Variants in WDR76 observed in about 807,000 individuals in gnomAD.
WDR76 encodes the protein WD repeat domain 76.
Under a neutral mutation model 70.2 loss-of-function variants are expected in WDR76, and 52 were observed. That is an observed-to-expected ratio of 0.74 (90% CI 0.59 to 0.93). WDR76 has a LOEUF of 0.93. Ranked by LOEUF, WDR76 falls within the 40% of genes least tolerant of loss-of-function variation. WDR76 has a pLI of 0.00. For synonymous variants in WDR76, 292 were observed against 271.1 expected (o/e 1.08, Z -0.76); for missense variants, 756 against 760.2 (o/e 0.99, Z 0.07).
intron 5 of WDR76, among the ~76,000 whole-genome samples, chr15:43,841,106 C>T (rs1249922659): frequency 6.6e-5 from 10 of 151,068 alleles, no homozygotes; most frequent in East Asian, 1.9e-4. Flanking sequence ...CTGCAACCTC[C>T]GCCTCCCGGG....
chr15:43,843,948 A>T lies in WDR76; in HGVS notation c.926A>T (p.Tyr309Phe), dbSNP rs1213867887. 3 of 1,611,734 alleles carry T rather than the reference A, an allele frequency of 1.9e-6. No individual in the cohort carries two copies. The highest frequency in any genetic ancestry group is 2.5e-6 in the Non-Finnish European group (3 of 1,178,836). ...NGMVISEDTV[Y>F]KVTTGPIFSM... ...ATGGTCATTAGTGAAGATACCGTTT[A>T]CAAAGTTACCACAGGCCCAATATTC... The change falls in exon 8 of 13, where the codon TAC becomes TTC. Residue 309 changes from tyrosine to phenylalanine, a missense_variant. Coordinates refer to ENST00000263795, the MANE Select transcript of WDR76 (RefSeq NM_024908.4).
chr15:43,858,361 TCTC>T (rs1283391967), intron 10 of WDR76: 1 of 201,276 alleles, frequency 5.0e-6, no homozygotes, highest in African/African-American at 2.4e-5. Context: ...TTCAAGCAAT[TCTC>T]CTGCCTCAGC....
At chr15:43,861,597 G>C (rs967544797) in intron 12 of WDR76, among the ~76,000 whole-genome samples, 6 of 152,192 alleles carry the variant, frequency 3.9e-5, no homozygotes, top group Non-Finnish European at 7.4e-5. Context: ...CTTGTAGTCA[G>C]TAGCTGTTCT....
chr15:43,860,910 C>CTTTTTTTTTTT (rs34504509), intron 11 of WDR76, among the ~76,000 whole-genome samples: 1 of 79,018 alleles, frequency 1.3e-5, no homozygotes, highest in African/African-American at 5.7e-5. Context: ...TGATCTTACT[C>CTTTTTTTTTTT]TTTTTTTTTT....
chr15:43,863,469 C>T (rs1360056125), intron 12 of WDR76, among the ~76,000 whole-genome samples: 1 of 151,692 alleles, frequency 6.6e-6, no homozygotes, highest in African/African-American at 2.4e-5. Flanking sequence ...GAATGTATTT[C>T]TCCTATTAAC....
intron 7 of WDR76, among the ~76,000 whole-genome samples, chr15:43,843,284 G>A (rs2087749213): frequency 6.6e-6 from 1 of 152,042 alleles, no homozygotes; most frequent in Non-Finnish European, 1.5e-5. Context: ...GACTCCCAAA[G>A]TGCTGGGATT....
chr15:43,838,961 G>A (rs541201943), intron 4 of WDR76, among the ~76,000 whole-genome samples: 27 of 152,054 alleles, frequency 1.8e-4, no homozygotes, highest in Non-Finnish European at 3.1e-4. Context: ...ACTAATTCTC[G>A]AAGTAATGTG....
At position 43,854,021 on chromosome 15, in the gene WDR76, C is replaced by T. The variant is rs554512769; in HGVS notation, c.1191+2776C>T. Among the ~76,000 whole-genome samples, 3 of 152,142 alleles carry T rather than the reference C, an allele frequency of 2.0e-5. No individual in the cohort carries two copies. In the South Asian group the frequency reaches 6.2e-4, roughly 32 times the overall value. On this transcript the variant is annotated intron_variant, in intron 9 of 12. Transcript: ENST00000263795. ...CAAATCACAATGAGATACCCCTTTA[C>T]ACTCACTAGGATAACGATACTTGCC...
At chr15:43,832,451 GT>G (rs1233538800) in intron 2 of WDR76, among the ~76,000 whole-genome samples, 2 of 147,662 alleles carry the variant, frequency 1.4e-5, no homozygotes, top group East Asian at 3.9e-4. Flanking sequence ...TTGTTTTTTT[GT>G]TTTTTTTTCT....
At chr15:43,827,181 A>C in intron 1 of WDR76, 89 bp downstream of exon 1, 1 of 1,551,546 alleles carries the variant, frequency 6.4e-7, no homozygotes, top group East Asian at 2.3e-5. Flanking sequence ...GGTCGAGGGC[A>C]CCTGGCACCG....
chr15:43,863,338 T>A (rs1459020223), intron 12 of WDR76, among the ~76,000 whole-genome samples: 2 of 152,164 alleles, frequency 1.3e-5, no homozygotes, highest in East Asian at 3.8e-4. Flanking sequence ...AATTAACATA[T>A]GTATTACCTC....
chr15:43,857,137 A>G lies in WDR76; in HGVS notation c.1383A>G (p.Arg461=). The G allele has an allele frequency of 6.2e-7, 1 of 1,613,868 alleles. No individual in the cohort carries two copies. The highest frequency in any genetic ancestry group is 8.5e-7 in the Non-Finnish European group (1 of 1,179,916). ...IRTVHVHPVH[R]QYFITAGLRD... Reference sequence around the variant, plus strand: ...CTGTTCATGTCCACCCAGTGCATAGACAGTATTTTATCACTGCCGGATTGA... The same window carrying G: ...CTGTTCATGTCCACCCAGTGCATAGGCAGTATTTTATCACTGCCGGATTGA... Residue 461 remains arginine (R), a synonymous_variant, in exon 10 of 13, where the codon AGA becomes AGG. Transcript: ENST00000263795.
At chr15:43,862,058 G>A (rs933755990) in intron 12 of WDR76, among the ~76,000 whole-genome samples, 2 of 151,458 alleles carry the variant, frequency 1.3e-5, no homozygotes, top group Non-Finnish European at 2.9e-5. Context: ...GGCTGGTCTC[G>A]AACTCCTGAT....
chr15:43,859,002 T>C (rs1011750979), intron 11 of WDR76, among the ~76,000 whole-genome samples, 179 bp downstream of exon 11: 1 of 152,202 alleles, frequency 6.6e-6, no homozygotes, highest in Non-Finnish European at 1.5e-5. Flanking sequence ...TCAGCGGTTT[T>C]TGGGTCCTGG....
chr15:43,828,046 A>G lies in WDR76; in HGVS notation c.142A>G (p.Lys48Glu). The G allele has an allele frequency of 1.9e-6, 3 of 1,614,200 alleles. No individual in the cohort carries two copies. Among genetic ancestry groups the G allele is most frequent in the Non-Finnish European group, 2.5e-6 (3 of 1,180,030 alleles). Residue 48 changes from lysine (K) to glutamate (E), a missense_variant, in exon 2 of 13, where the codon AAG becomes GAG. By Grantham distance (56) the Lys-to-Glu change is moderately conservative (BLOSUM62 1). Coordinates refer to ENST00000263795, the MANE Select transcript of WDR76 (RefSeq NM_024908.4). ...GACTACAGTTTTAATAAAAACAGCT[A>G]AGGTCTATCTTGCCCCCTTTTCACT... Reference protein sequence around the residue: ...AQTTVLIKTAKVYLAPFSLSN... With the variant: ...AQTTVLIKTAEVYLAPFSLSN...
intron 9 of WDR76, among the ~76,000 whole-genome samples, chr15:43,852,767 T>A (rs999919502): frequency 6.6e-6 from 1 of 152,240 alleles, no homozygotes; most frequent in African/African-American, 2.4e-5. Context: ...AGTTCATCCA[T>A]GTTGTAGCCG....
chr15:43,844,568 C>T (rs533082415), intron 8 of WDR76, among the ~76,000 whole-genome samples: 8 of 143,012 alleles, frequency 5.6e-5, no homozygotes, highest in South Asian at 4.4e-4. Flanking sequence ...TGGAGTGAGT[C>T]GACACTGTGC....
At chr15:43,859,587 G>A (rs1256211075) in intron 11 of WDR76, among the ~76,000 whole-genome samples, 2 of 152,298 alleles carry the variant, frequency 1.3e-5, no homozygotes, top group Non-Finnish European at 2.9e-5. Context: ...TGGGAAGAGC[G>A]TGGTCTGCAG....
rs772789748 is a variant in WDR76 at position 43,866,440 on chromosome 15, G to C, written c.*48G>C. On this transcript the variant is annotated 3_prime_UTR_variant, in exon 13 of 13. Coordinates refer to ENST00000263795, the MANE Select transcript of WDR76 (RefSeq NM_024908.4). ...TTTGTTCAAATTGACCACTGTCTAA[G>C]GAGCCTAGTAATCGGCGTGCCTTAG... The C allele has an allele frequency of 5.6e-6, 9 of 1,603,004 alleles. No individual in the cohort carries two copies. Among genetic ancestry groups the C allele is most frequent in the Non-Finnish European group, 6.8e-6 (8 of 1,172,288 alleles).
Sources: gnomAD v4.1 joint callset for allele counts (sites outside exome capture counted in the v4.1 genomes callset) on GRCh38, gnomAD v4.1.1 for gene constraint, MANE v1.5 for transcripts, NCBI Gene and HGNC (gene_info 2026-07-23, HGNC 2026-07-21) for gene names.